Variants in SUGCT observed in about 807,000 individuals in gnomAD.
The protein encoded by SUGCT is succinyl-CoA:glutarate CoA-transferase.
In SUGCT, 41 loss-of-function variants were observed where a neutral mutation model predicts 55.0. The ratio of observed to expected loss-of-function variants is 0.74; its 90% CI spans 0.58 to 0.97. The LOEUF (loss-of-function observed/expected upper bound fraction) is 0.97, where lower values mean the gene tolerates loss of function less well. Ranked by LOEUF, SUGCT falls within the 50% of genes least tolerant of loss-of-function variation. SUGCT has a pLI of 0.00. For missense variants in SUGCT, 568 were observed against 547.8 expected, an observed-to-expected ratio of 1.04 and a Z score of -0.37; for synonymous variants, 187 against 200.4, an observed-to-expected ratio of 0.93 and a Z score of 0.56.
intron 9 of SUGCT, among the ~76,000 whole-genome samples, chr7:40,378,451 C>A (rs1422193526): frequency 2.0e-5 from 3 of 152,198 alleles, no homozygotes; most frequent in Non-Finnish European, 4.4e-5. Flanking sequence ...TCCAGATACT[C>A]TGTTCAGTGA....
At chr7:40,975,999 G>A in the SUGCT span, among the ~76,000 whole-genome samples, 2 of 152,116 alleles carry the variant, frequency 1.3e-5, no homozygotes, top group Non-Finnish European at 2.9e-5. Flanking sequence ...AATCTAAATG[G>A]CCAAACCAGG....
At chr7:40,933,028 C>T in the SUGCT span, among the ~76,000 whole-genome samples, 201 of 152,226 alleles carry the variant, frequency 1.3e-3, no homozygotes, top group Non-Finnish European at 2.3e-3. Context: ...TTCCTAGCAT[C>T]GATGGTCTTT....
intron 1 of SUGCT, among the ~76,000 whole-genome samples, chr7:40,149,564 A>G (rs1425040941): frequency 3.3e-5 from 5 of 152,100 alleles, no homozygotes; most frequent in Non-Finnish European, 7.4e-5. Context: ...AAGTGGATCA[A>G]TTGAGGCCAG....
At chr7:40,829,144 C>A (rs1792519457) in intron 13 of SUGCT, among the ~76,000 whole-genome samples, 1 of 152,168 alleles carries the variant, frequency 6.6e-6, no homozygotes, top group African/African-American at 2.4e-5. Flanking sequence ...CCAGAAGTTT[C>A]CTTATATGGT....
intron 13 of SUGCT, among the ~76,000 whole-genome samples, chr7:40,814,353 G>T (rs1791567465): frequency 1.3e-5 from 2 of 151,820 alleles, no homozygotes; most frequent in African/African-American, 2.4e-5. Context: ...TGTAAGTTTG[G>T]TCACTTTACA....
the SUGCT span, among the ~76,000 whole-genome samples, chr7:40,954,989 TG>T: frequency 2.0e-5 from 3 of 152,198 alleles, no homozygotes; most frequent in Non-Finnish European, 4.4e-5. Flanking sequence ...TCTGTTCAAT[TG>T]GTCCATATAT....
At chr7:40,916,037 A>T in the SUGCT span, among the ~76,000 whole-genome samples, 3 of 107,842 alleles carry the variant, frequency 2.8e-5, no homozygotes, top group African/African-American at 1.5e-4. Context: ...TCATATATGG[A>T]TGTGGGACAC....
chr7:40,440,143 GTGTTTTTTTTTTTT>G (rs1471666649), intron 9 of SUGCT, among the ~76,000 whole-genome samples: 4 of 102,412 alleles, frequency 3.9e-5, no homozygotes, highest in African/African-American at 1.7e-4. Flanking sequence ...CTGTGTGTGT[GTGTTTTTTTTTTTT>G]TTTTTTTTTT....
At chr7:40,542,686 C>T (rs1794760879) in intron 12 of SUGCT, among the ~76,000 whole-genome samples, 1 of 152,154 alleles carries the variant, frequency 6.6e-6, no homozygotes, top group Non-Finnish European at 1.5e-5. Flanking sequence ...TATAAGCACC[C>T]TTTTAACTCT....
chr7:40,501,045 A>G (rs1437787488), intron 12 of SUGCT, among the ~76,000 whole-genome samples: 1 of 152,158 alleles, frequency 6.6e-6, no homozygotes, highest in Non-Finnish European at 1.5e-5. Flanking sequence ...TGTTTCTAAT[A>G]CTGCTGGGAA....
intron 12 of SUGCT, among the ~76,000 whole-genome samples, chr7:40,671,670 T>C (rs1438170724): frequency 6.6e-6 from 1 of 152,182 alleles, no homozygotes; most frequent in African/African-American, 2.4e-5. Context: ...ATATAGCACT[T>C]GTATGTTACA....
the SUGCT span, among the ~76,000 whole-genome samples, chr7:40,882,524 C>A: frequency 2.6e-5 from 4 of 152,298 alleles, no homozygotes; most frequent in East Asian, 7.7e-4. Context: ...AAGATCCCCA[C>A]TGTCATTAAC....
chr7:40,918,685 G>A, the SUGCT span, among the ~76,000 whole-genome samples: 1 of 152,092 alleles, frequency 6.6e-6, no homozygotes, highest in Non-Finnish European at 1.5e-5. Context: ...TAAAAGGATA[G>A]AACAAGGAGG....
At chr7:40,835,242 G>C (rs1792902022) in intron 13 of SUGCT, among the ~76,000 whole-genome samples, 2 of 152,154 alleles carry the variant, frequency 1.3e-5, no homozygotes, top group African/African-American at 4.8e-5. Flanking sequence ...TCACCTTACT[G>C]ACAGCTTGGA....
chr7:40,912,445 T>C, the SUGCT span, among the ~76,000 whole-genome samples: 1 of 152,168 alleles, frequency 6.6e-6, no homozygotes, highest in African/African-American at 2.4e-5. Context: ...CATTGTTCCA[T>C]GGGAAAACTT....
rs565085230 is a variant in SUGCT at position 40,463,816 on chromosome 7, G to C, written c.986+4618G>C. On this transcript the variant is annotated intron_variant, in intron 11 of 13. Transcript: ENST00000335693. Reference sequence around the variant, plus strand: ...CATTTTATCCAGGGTGTTGCAGAAAGTATGTTTACCCAGCTGCTAACATTG... The same window carrying C: ...CATTTTATCCAGGGTGTTGCAGAAACTATGTTTACCCAGCTGCTAACATTG... Among the ~76,000 whole-genome samples, 11 of 152,272 alleles carry C rather than the reference G, an allele frequency of 7.2e-5. No homozygotes were observed. In the South Asian group the frequency reaches 1.2e-3, roughly 17 times the overall value.
At chr7:40,668,374 AG>A (rs1308163053) in intron 12 of SUGCT, among the ~76,000 whole-genome samples, 1 of 152,188 alleles carries the variant, frequency 6.6e-6, no homozygotes, top group East Asian at 1.9e-4. Flanking sequence ...ATATATGAAT[AG>A]TTGTAGATTC....
chr7:40,159,279 A>G (rs1784039091), intron 1 of SUGCT, among the ~76,000 whole-genome samples: 1 of 151,326 alleles, frequency 6.6e-6, no homozygotes, highest in Non-Finnish European at 1.5e-5. Context: ...TTGGAGTAGT[A>G]TTTTTAGGTT....
At chr7:40,846,379 A>G (rs1459525615) in intron 13 of SUGCT, among the ~76,000 whole-genome samples, 4 of 150,782 alleles carry the variant, frequency 2.7e-5, no homozygotes, top group East Asian at 3.9e-4. Flanking sequence ...TGTTGGAAAA[A>G]AAAAAAAAAC....
Sources: allele counts gnomAD v4.1 joint callset (sites outside exome capture counted in the v4.1 genomes callset), GRCh38; gene constraint gnomAD v4.1.1; transcripts MANE v1.5; gene names NCBI Gene and HGNC (gene_info 2026-07-23, HGNC 2026-07-21).